The following SPOCK1 variants were observed in gnomAD, a reference collection of about 807,000 sequenced individuals.
SPOCK1 encodes the protein SPARC (osteonectin), cwcv and kazal like domains proteoglycan 1.
A neutral mutation model predicts 55.3 loss-of-function variants in SPOCK1; 23 were observed. That is an observed-to-expected ratio of 0.42 (90% CI 0.30 to 0.59). The LOEUF is 0.59. SPOCK1 is among the 20% of genes least tolerant of loss of function. SPOCK1 has a pLI of 0.22. For synonymous variants in SPOCK1, 226 were observed against 221.0 expected (o/e 1.02, Z -0.20); for missense variants, 499 against 552.5 (o/e 0.90, Z 0.97).
At chr5:137,350,772 A>C (rs2127160710) in intron 2 of SPOCK1, among the ~76,000 whole-genome samples, 1 of 152,184 alleles carries the variant, frequency 6.6e-6, no homozygotes, top group South Asian at 2.1e-4. Flanking sequence ...CTTCTTCAAA[A>C]AGCAGGAAGG....
chr5:137,185,835 T>C (rs1755059026), intron 3 of SPOCK1, among the ~76,000 whole-genome samples: 1 of 151,980 alleles, frequency 6.6e-6, no homozygotes, highest in African/African-American at 2.4e-5. Flanking sequence ...CTCTGCTAGA[T>C]AAGGCCTTTC....
At chr5:137,109,728 C>T (rs1377990252) in intron 5 of SPOCK1, among the ~76,000 whole-genome samples, 1 of 152,166 alleles carries the variant, frequency 6.6e-6, no homozygotes, top group Non-Finnish European at 1.5e-5. Flanking sequence ...ACTTACTGCA[C>T]TGGCCCATGC....
intron 2 of SPOCK1, among the ~76,000 whole-genome samples, chr5:137,454,126 A>T (rs937092079): frequency 6.6e-6 from 1 of 152,168 alleles, no homozygotes; most frequent in Non-Finnish European, 1.5e-5. Context: ...GTGAAGATAA[A>T]TCTCTACAGG....
In SPOCK1 at chr5:137,107,595, A is replaced by G. The variant is rs1040691577; in HGVS notation, c.474+4840T>C. Among the ~76,000 whole-genome samples, 18 of 152,136 alleles carry G rather than the reference A, an allele frequency of 1.2e-4. 1 individual carries two copies. Among genetic ancestry groups the G allele is most frequent in the Non-Finnish European group, 2.1e-4 (14 of 68,028 alleles). Reference sequence around the variant, plus strand: ...GACTCTGTGCCTTTCTGTGCACTTTATCTTTGATCCTGGGGGAGTCACACA... The same window carrying G: ...GACTCTGTGCCTTTCTGTGCACTTTGTCTTTGATCCTGGGGGAGTCACACA... On this transcript the variant is annotated intron_variant, in intron 5 of 10. Transcript: ENST00000394945.
Position 137,091,533 on chromosome 5 carries a change from G to C in SPOCK1, c.474+20902C>G, listed in dbSNP as rs192799296. 2.0e-3 allele frequency among the ~76,000 whole-genome samples: 304 copies of C among 152,282 alleles called. 1 individual carries two copies. The highest frequency in any genetic ancestry group is 7.1e-3 in the African/African-American group (294 of 41,560). ...ATTTATGTTTTGGTTTCTAGGTAAG[G>C]ACAAATAAAAATAACAGTTCCCTTG... On this transcript the variant is annotated intron_variant, in intron 5 of 10. Transcript: ENST00000394945.
intron 3 of SPOCK1, among the ~76,000 whole-genome samples, chr5:137,249,703 A>C (rs1261951506): frequency 6.6e-6 from 1 of 152,262 alleles, no homozygotes; most frequent in East Asian, 1.9e-4. Flanking sequence ...AAACTTTACA[A>C]TTCCAAGCTG....
intron 4 of SPOCK1, among the ~76,000 whole-genome samples, chr5:137,122,373 G>A (rs192089492): frequency 2.0e-5 from 3 of 152,000 alleles, no homozygotes; most frequent in South Asian, 2.1e-4. Context: ...AAATGTAAAC[G>A]AACAGTTGAG....
chr5:137,276,849 C>T (rs1450307849), intron 2 of SPOCK1, among the ~76,000 whole-genome samples: 3 of 152,156 alleles, frequency 2.0e-5, no homozygotes, highest in Non-Finnish European at 2.9e-5. Context: ...CACCCCACAT[C>T]TACTAATGCC....
In SPOCK1 at chr5:137,346,392, C is replaced by T. The variant is rs142536236; in HGVS notation, c.187-79337G>A. On this transcript the variant is annotated intron_variant, in intron 2 of 10. Transcript: ENST00000394945. ...TTAAATGGATAGGATTTATTTGACTCAACTCTGCATTGTCTGACCCCAACC... is the reference window on the plus strand; with the variant it reads ...TTAAATGGATAGGATTTATTTGACTTAACTCTGCATTGTCTGACCCCAACC... 2.6e-5 allele frequency among the ~76,000 whole-genome samples: 4 copies of T among 152,294 alleles called. No individual in the cohort carries two copies. In the East Asian group the frequency reaches 7.7e-4, roughly 29 times the overall value.
At chr5:137,078,309 G>C (rs1752815091) in intron 5 of SPOCK1, among the ~76,000 whole-genome samples, 1 of 152,202 alleles carries the variant, frequency 6.6e-6, no homozygotes, top group African/African-American at 2.4e-5. Context: ...CCCTCGAGAT[G>C]CCTGTCTCTC....
chr5:137,125,359 T>G (rs1753766645), intron 4 of SPOCK1, among the ~76,000 whole-genome samples: 1 of 152,134 alleles, frequency 6.6e-6, no homozygotes, highest in Non-Finnish European at 1.5e-5. Context: ...AGTGGAGTGT[T>G]CATTCAGCCA....
chr5:137,382,265 C>T (rs1185383001), intron 2 of SPOCK1, among the ~76,000 whole-genome samples: 2 of 152,216 alleles, frequency 1.3e-5, no homozygotes, highest in Non-Finnish European at 2.9e-5. Flanking sequence ...GCATTTTGGG[C>T]AAAGCCATTC....
chr5:137,381,652 C>A (rs1751471640), intron 2 of SPOCK1, among the ~76,000 whole-genome samples: 1 of 152,250 alleles, frequency 6.6e-6, no homozygotes, highest in Non-Finnish European at 1.5e-5. Flanking sequence ...CCCTTTTAGC[C>A]ATGGCCAGAG....
chr5:137,349,049 G>A (rs1336245783), intron 2 of SPOCK1, among the ~76,000 whole-genome samples: 1 of 152,124 alleles, frequency 6.6e-6, no homozygotes, highest in Admixed American at 6.5e-5. Flanking sequence ...CTGGTCAAAA[G>A]AGAACTTTTA....
chr5:137,412,841 G>A (rs1393491769), intron 2 of SPOCK1, among the ~76,000 whole-genome samples: 1 of 152,206 alleles, frequency 6.6e-6, no homozygotes, highest in Non-Finnish European at 1.5e-5. Context: ...ACTGCACTGT[G>A]AGAGAAGACA....
intron 3 of SPOCK1, among the ~76,000 whole-genome samples, chr5:137,261,545 C>G (rs1156268167): frequency 6.6e-6 from 1 of 152,178 alleles, no homozygotes; most frequent in Non-Finnish European, 1.5e-5. Flanking sequence ...ACGAGAACAG[C>G]ATGAGTGAAA....
At chr5:137,135,980 C>G (rs1753976349) in intron 4 of SPOCK1, among the ~76,000 whole-genome samples, 1 of 152,140 alleles carries the variant, frequency 6.6e-6, no homozygotes, top group African/African-American at 2.4e-5. Flanking sequence ...TGCACATATG[C>G]TTTCATTATA....
intron 2 of SPOCK1, among the ~76,000 whole-genome samples, chr5:137,403,526 AG>A (rs1363011412): frequency 6.6e-6 from 1 of 152,200 alleles, no homozygotes; most frequent in Admixed American, 6.5e-5. Context: ...ATGTGTTATT[AG>A]GGAATAAATG....
chr5:137,037,396 T>A (rs1047187548), intron 6 of SPOCK1, among the ~76,000 whole-genome samples: 6 of 150,930 alleles, frequency 4.0e-5, no homozygotes, highest in Admixed American at 1.3e-4. Flanking sequence ...TGCCCTGCAA[T>A]TCTAGCTCCA....
Sources: gnomAD v4.1 joint callset for allele counts (sites outside exome capture counted in the v4.1 genomes callset) on GRCh38, gnomAD v4.1.1 for gene constraint, MANE v1.5 for transcripts, NCBI Gene and HGNC (gene_info 2026-07-23, HGNC 2026-07-21) for gene names.